The following BCL2L14 variants were observed in gnomAD, a reference collection of about 807,000 sequenced individuals.
The protein encoded by BCL2L14 is apoptosis facilitator Bcl-2-like protein 14.
A neutral mutation model predicts 35.3 loss-of-function variants in BCL2L14; 27 were observed. The ratio of observed to expected loss-of-function variants is 0.76; its 90% confidence interval spans 0.56 to 1.05. The LOEUF is 1.05. BCL2L14 is among the 50% of genes least tolerant of loss of function. The pLI is 0.00. For synonymous variants in BCL2L14, 139 were observed against 145.9 expected, an observed-to-expected ratio of 0.95 and a Z score of 0.34; for missense variants, 377 against 382.6, an observed-to-expected ratio of 0.99 and a Z score of 0.12.
At chr12:12,060,875 T>C (rs1359336318) in intron 2 of BCL2L14, among the ~76,000 whole-genome samples, 67 of 105,234 alleles carry the variant, frequency 6.4e-4, no homozygotes, top group Middle Eastern at 3.9e-3. Flanking sequence ...GCCCGATAGC[T>C]TCGGAAGTCC....
At chr12:12,060,882 G>GC (rs1565443060) in intron 2 of BCL2L14, among the ~76,000 whole-genome samples, 4 of 83,368 alleles carry the variant, frequency 4.8e-5, no homozygotes, top group Non-Finnish European at 7.0e-5. Context: ...AGCTTCGGAA[G>GC]TCCCGTAGAC....
At position 12,094,942 on chromosome 12, in the gene BCL2L14, C is replaced by G. The variant is rs1490883329; in HGVS notation, c.945+12C>G. On this transcript the variant is annotated intron_variant, in intron 5 of 5. Transcript: ENST00000308721. ...AGCACGGTGGATGGGTAAGCGTATC[C>G]TATTTAAAAACAAATTTTCTCAGAA... The G allele has an allele frequency of 1.9e-6, 3 of 1,606,816 alleles. No homozygotes were observed. Among genetic ancestry groups the G allele is most frequent in the Non-Finnish European group, 2.5e-6 (3 of 1,178,512 alleles).
rs1370714672 is a variant in BCL2L14 at position 12,099,304 on chromosome 12, T to C, written c.*316T>C. 3 of 334,646 alleles carry C rather than the reference T, an allele frequency of 9.0e-6. No homozygotes were observed. The highest frequency in any genetic ancestry group is 4.7e-5 in the Admixed American group (1 of 21,408). The allele number at this position is 334,646 out of a possible 1,614,324, so 20.7% of individuals were successfully genotyped here. A position where few individuals can be genotyped will look rare whatever the true frequency, so the allele number is the denominator to read the frequency against. On this transcript the variant is annotated 3_prime_UTR_variant, in exon 6 of 6. Coordinates refer to ENST00000308721, the MANE Select transcript of BCL2L14 (RefSeq NM_138723.2). ...ATCATCCTGCCTTTGTTAGCTGCTG[T>C]AGGGAAAGTGCGTTACAGATGTCTG...
rs147671338 is a variant in BCL2L14 at position 12,091,756 on chromosome 12, G to A, written c.678+907G>A. ...GATATTAGGTTAAAGAAAAGAGAACGGGGTGTGTGAGCTTTGGGACCACAA... is the reference window on the plus strand; with the variant it reads ...GATATTAGGTTAAAGAAAAGAGAACAGGGTGTGTGAGCTTTGGGACCACAA... On this transcript the variant is annotated intron_variant, in intron 4 of 5. Coordinates refer to ENST00000308721, the MANE Select transcript of BCL2L14 (RefSeq NM_138723.2). 1.4e-4 allele frequency among the ~76,000 whole-genome samples: 21 copies of A among 152,306 alleles called. No individual in the cohort carries two copies. In the East Asian group the frequency reaches 3.7e-3, roughly 27 times the overall value.
At chr12:12,085,615 G>A (rs1027402768) in intron 2 of BCL2L14, among the ~76,000 whole-genome samples, 3 of 152,170 alleles carry the variant, frequency 2.0e-5, no homozygotes, top group Non-Finnish European at 2.9e-5. Flanking sequence ...ATGGCTTTAT[G>A]AGTCAGATGT....
At chr12:12,084,928 GCTGGACGTAGTGGCGGGAGCCACTACGTC>G (rs1437352604) in intron 2 of BCL2L14, among the ~76,000 whole-genome samples, 3 of 151,780 alleles carry the variant, frequency 2.0e-5, no homozygotes, top group African/African-American at 7.3e-5. Context: ...ACAAAAATTA[GCTGGACGTAGTGGCGGGAGCCACTACGTC>G]CTGTAATCCC....
At chr12:12,078,239 A>G (rs142294629) in intron 1 of BCL2L14, among the ~76,000 whole-genome samples, 87 of 152,330 alleles carry the variant, frequency 5.7e-4, no homozygotes, top group African/African-American at 2.0e-3. Flanking sequence ...GGCATACCAA[A>G]TATAGCAAGA....
chr12:12,087,530 C>T (rs768713480), intron 3 of BCL2L14, 144 bp downstream of exon 3: 1 of 939,808 alleles, frequency 1.1e-6, no homozygotes, highest in Non-Finnish European at 1.6e-6. Context: ...GGGCAATGAG[C>T]TCCAGCTTGA....
At chr12:12,093,957 A>G (rs1949254915) in intron 4 of BCL2L14, among the ~76,000 whole-genome samples, 1 of 151,574 alleles carries the variant, frequency 6.6e-6, no homozygotes, top group African/African-American at 2.4e-5. Context: ...ATAGAAAAAA[A>G]TTAGCCAGGT....
intron 2 of BCL2L14, among the ~76,000 whole-genome samples, chr12:12,058,199 G>A (rs1354852775): frequency 2.0e-5 from 3 of 150,456 alleles, no homozygotes; most frequent in South Asian, 2.1e-4. Context: ...TGATCTGCCC[G>A]CCTCGGCCTC....
intron 2 of BCL2L14, among the ~76,000 whole-genome samples, chr12:12,064,813 G>T (rs1948574450): frequency 6.6e-6 from 1 of 152,186 alleles, no homozygotes; most frequent in South Asian, 2.1e-4. Flanking sequence ...TGTTTATCAG[G>T]AGTCTTCCAT....
chr12:12,087,315 A>C lies in BCL2L14; in HGVS notation c.536A>C (p.Glu179Ala). The C allele has an allele frequency of 1.2e-6, 2 of 1,614,200 alleles. No homozygotes were observed. Among genetic ancestry groups the C allele is most frequent in the Middle Eastern group, 1.6e-4 (1 of 6,062 alleles). ...CAGGCAGGAGGCTTCAAGTCCAAAG[A>C]GATTTTTGTAACTGAGGGTCTCTCC... The part of the protein sequence containing the change: ...ATQAGGFKSK[E>A]IFVTEGLSFQ... The change falls in exon 3 of 6, where the codon GAG becomes GCG. Residue 179 changes from glutamate (E) to alanine (A), a missense_variant. Physicochemically the swap from Glu to Ala is moderately radical, Grantham distance 107. Coordinates refer to ENST00000308721, the MANE Select transcript of BCL2L14 (RefSeq NM_138723.2).
At chr12:12,095,427 G>T (rs1169902795) in intron 5 of BCL2L14, 1 of 985,310 alleles carries the variant, frequency 1.0e-6, no homozygotes. Context: ...CAAATAAAAA[G>T]CCAACAGTTA....
At chr12:12,076,524 C>T (rs886401314) in intron 1 of BCL2L14, among the ~76,000 whole-genome samples, 8 of 152,024 alleles carry the variant, frequency 5.3e-5, no homozygotes, top group African/African-American at 9.7e-5. Flanking sequence ...GGGAGGTTTG[C>T]GGGGCTTGGA....
chr12:12,056,056 C>T (rs1437035869), intron 2 of BCL2L14, among the ~76,000 whole-genome samples: 1 of 152,106 alleles, frequency 6.6e-6, no homozygotes, highest in Non-Finnish European at 1.5e-5. Flanking sequence ...ACTAGGTCAA[C>T]TTAGCCAGAA....
At chr12:12,050,111 C>CAAG (rs1475052459) in intron 1 of BCL2L14, among the ~76,000 whole-genome samples, 1 of 152,122 alleles carries the variant, frequency 6.6e-6, no homozygotes, top group Non-Finnish European at 1.5e-5. Context: ...CCTCCCTGAG[C>CAAG]AAGAACCTTA....
At position 12,079,546 on chromosome 12, in the gene BCL2L14, G is replaced by A. The variant is rs749596076; in HGVS notation, c.241G>A (p.Glu81Lys). The change falls in exon 2 of 6, where the codon GAG becomes AAG. Residue 81 changes from glutamate to lysine, a missense_variant. Coordinates refer to ENST00000308721, the MANE Select transcript of BCL2L14 (RefSeq NM_138723.2). Reference protein sequence around the residue: ...SWPCRNSQSSEKAINLGKKKS... With the variant: ...SWPCRNSQSSKKAINLGKKKS... ...GCCTTGCAGAAATTCCCAATCCAGT[G>A]AGAAGGCCATAAACCTTGGCAAGAA... The A allele has an allele frequency of 8.1e-6, 13 of 1,614,106 alleles. No homozygotes were observed. Among genetic ancestry groups the A allele is most frequent in the Non-Finnish European group, 4.2e-6 (5 of 1,180,060 alleles).
chr12:12,061,904 ACTC>A (rs1948531230), intron 2 of BCL2L14, among the ~76,000 whole-genome samples: 1 of 151,692 alleles, frequency 6.6e-6, no homozygotes, highest in African/African-American at 2.4e-5. Context: ...TAAAACAACA[ACTC>A]CTTTCCTTCC....
intron 1 of BCL2L14, among the ~76,000 whole-genome samples, chr12:12,072,713 A>G (rs184297670): frequency 6.6e-6 from 1 of 152,210 alleles, no homozygotes; most frequent in African/African-American, 2.4e-5. Context: ...GGCTTCTTGT[A>G]TAGAGTACAA....
Sources: gnomAD v4.1 joint callset for allele counts (sites outside exome capture counted in the v4.1 genomes callset) on GRCh38, gnomAD v4.1.1 for gene constraint, MANE v1.5 for transcripts, NCBI Gene and HGNC (gene_info 2026-07-23, HGNC 2026-07-21) for gene names.